Variants in ATP2C2 observed in about 807,000 individuals in gnomAD.
The protein encoded by ATP2C2 is calcium-transporting ATPase type 2C member 2.
A neutral mutation model predicts 110.8 loss-of-function variants in ATP2C2; 171 were observed. That is an observed-to-expected ratio of 1.54 (90% CI 1.36 to 1.75). The LOEUF (loss-of-function observed/expected upper bound fraction) is 1.75, where lower values mean the gene tolerates loss of function less well. ATP2C2 is among the 40% of genes most tolerant of loss of function. ATP2C2 has a pLI of 0.00. For synonymous variants in ATP2C2, 804 were observed against 508.4 expected, an observed-to-expected ratio of 1.58 and a Z score of -7.82; for missense variants, 1,963 against 1,235.0, an observed-to-expected ratio of 1.59 and a Z score of -8.84.
At chr16:84,447,676 T>TATTTA (rs1181372335) in intron 16 of ATP2C2, among the ~76,000 whole-genome samples, 2 of 139,874 alleles carry the variant, frequency 1.4e-5, no homozygotes, top group African/African-American at 5.9e-5. Context: ...TTACATATAT[T>TATTTA]ACATATATTA....
Position 84,463,817 on chromosome 16 carries a change from C to CT in ATP2C2, c.*89dup, listed in dbSNP as rs1023413176. On this transcript the variant is annotated 3_prime_UTR_variant, in exon 27 of 27. Transcript: ENST00000262429. ...TGCCGTGTCTCCTCGTCAGGGGAGA[C>CT]TTTTAGGAGGCCGCAGCCTTCCATC... is the stretch of plus-strand genomic sequence containing the variant. 1.7e-6 allele frequency: 2 copies of CT among 1,210,920 alleles called. No individual in the cohort carries two copies. Among genetic ancestry groups the CT allele is most frequent in the African/African-American group, 3.0e-5 (2 of 66,096 alleles). 75.0% of individuals were successfully genotyped at this position (1,210,920 alleles called of 1,614,324 possible).
intron 16 of ATP2C2, among the ~76,000 whole-genome samples, chr16:84,446,837 C>T (rs1310569629): frequency 6.6e-6 from 1 of 152,200 alleles, no homozygotes; most frequent in Non-Finnish European, 1.5e-5. Flanking sequence ...CTGCTGCTAA[C>T]ACCAGTCGCC....
chr16:84,380,777 G>A (rs1910534874), intron 1 of ATP2C2, among the ~76,000 whole-genome samples: 1 of 152,168 alleles, frequency 6.6e-6, no homozygotes, highest in African/African-American at 2.4e-5. Flanking sequence ...ACATACATCG[G>A]GGGGTCTGTT....
chr16:84,422,354 G>A lies in ATP2C2; in HGVS notation c.625-36G>A, dbSNP rs779645481. ...TTTAACACCAATTCTCGGGGTGACA[G>A]AGAGATTCCACAGCCTTTTCCCCTT... On this transcript the variant is annotated intron_variant, in intron 7 of 26. Coordinates refer to ENST00000262429, the MANE Select transcript of ATP2C2 (RefSeq NM_014861.4). The A allele has an allele frequency of 6.3e-6, 10 of 1,599,668 alleles. No individual in the cohort carries two copies. The African/African-American group carries it at 6.7e-5, about 11-fold the overall frequency.
Position 84,384,406 on chromosome 16 carries a change from C to T in ATP2C2, c.100-14093C>T, listed in dbSNP as rs77867840. Among the ~76,000 whole-genome samples the T allele has an allele frequency of 6.8e-3, 1,039 of 152,300 alleles. 16 individuals are homozygous for T. The highest frequency in any genetic ancestry group is 0.024 in the African/African-American group (1,009 of 41,570). ...CTCGGGATTTGGCTCAGGTTACGCG[C>T]TTCTGGAGAAAGCCCTGTGGCACGA... is the stretch of plus-strand genomic sequence containing the variant. On this transcript the variant is annotated intron_variant, in intron 1 of 26. Coordinates refer to ENST00000262429, the MANE Select transcript of ATP2C2 (RefSeq NM_014861.4).
chr16:84,411,016 A>G, intron 6 of ATP2C2: 1 of 543,446 alleles, frequency 1.8e-6, no homozygotes, highest in Admixed American at 3.1e-5. Flanking sequence ...TGAGGACCAC[A>G]GGTAGCAGGA....
intron 6 of ATP2C2, among the ~76,000 whole-genome samples, chr16:84,413,050 A>C (rs902590249): frequency 2.6e-5 from 4 of 151,032 alleles, no homozygotes; most frequent in African/African-American, 7.3e-5. Flanking sequence ...GTGAGCCAAG[A>C]GTGCTCCATT....
chr16:84,442,593 G>A lies in ATP2C2; in HGVS notation c.1395G>A (p.Ala465=), dbSNP rs763166680. 2.7e-5 allele frequency: 43 copies of A among 1,613,852 alleles called. No homozygotes were observed. In the Middle Eastern group the frequency reaches 4.9e-4, roughly 19 times the overall value. ...CCGAGGGTGCATTGATGGCCCTGGC[G>A]ATGAAGGTAGGAGGTCCTGGGGTGG... is the stretch of plus-strand genomic sequence containing the variant. The part of the protein sequence containing the change: ...QPTEGALMAL[A]MKMDLSDIKN... The change falls in exon 15 of 27, where the codon GCG becomes GCA. Residue 465 remains alanine (A), a synonymous_variant. Transcript: ENST00000262429.
intron 23 of ATP2C2, chr16:84,459,616 C>G: frequency 5.2e-6 from 8 of 1,526,498 alleles, no homozygotes; most frequent in Non-Finnish European, 5.3e-6. Context: ...TTTCTGCTCC[C>G]TCTGCCTGGA....
Position 84,462,023 on chromosome 16 carries a change from C to T in ATP2C2, c.2616C>T (p.Asn872=), listed in dbSNP as rs565110094. 2.5e-6 allele frequency: 4 copies of T among 1,614,016 alleles called. No individual in the cohort carries two copies. The highest frequency in any genetic ancestry group is 3.3e-5 in the Admixed American group (2 of 60,012). ...KLIFEIGFLR[N]HMFLYSVLGS... is the part of the protein sequence containing the mutation. ...TATTTGAGATCGGCTTTCTCAGGAA[C>T]CACATGTTCCTCTACTCCGTCCTGG... Residue 872 remains asparagine, a synonymous_variant, in exon 26 of 27, where the codon AAC becomes AAT. Coordinates refer to ENST00000262429, the MANE Select transcript of ATP2C2 (RefSeq NM_014861.4).
At position 84,462,100 on chromosome 16, in the gene ATP2C2, T is replaced by A. The variant is rs372345286; in HGVS notation, c.2693T>A (p.Val898Asp). The A allele has an allele frequency of 6.2e-6, 10 of 1,613,622 alleles. No homozygotes were observed. In the African/African-American group the frequency reaches 1.3e-4, roughly 22 times the overall value. ...ATTTACATCCCCCCGCTGCAGAGGG[T>A]CTTCCAGACGGAGAACCTGGGAGCG... Reference protein sequence around the residue: ...AVIYIPPLQRVFQTENLGALD... With the variant: ...AVIYIPPLQRDFQTENLGALD... Residue 898 changes from valine to aspartate, a missense_variant, in exon 26 of 27, where the codon GTC becomes GAC. Transcript: ENST00000262429.
intron 17 of ATP2C2, 30 bp from the exon 18 acceptor site, chr16:84,451,891 G>T (rs748734555): frequency 1.9e-6 from 3 of 1,590,260 alleles, no homozygotes; most frequent in Non-Finnish European, 2.6e-6. Context: ...AGCCCCCGGT[G>T]ACCCCTCCTT....
chr16:84,409,723 G>A (rs1332638153), intron 4 of ATP2C2, among the ~76,000 whole-genome samples: 3 of 151,960 alleles, frequency 2.0e-5, no homozygotes, highest in Non-Finnish European at 4.4e-5. Flanking sequence ...GGCTGATGTC[G>A]ACCTCTTGAC....
chr16:84,386,313 G>C lies in ATP2C2; in HGVS notation c.100-12186G>C, dbSNP rs148792103. Among the ~76,000 whole-genome samples, 766 of 152,262 alleles carry C rather than the reference G, an allele frequency of 5.0e-3. 5 individuals are homozygous for C. The highest frequency in any genetic ancestry group is 0.012 in the South Asian group (60 of 4,822). ...TTTAGTTTTATATCTGTCTCTCTCT[G>C]TATCTCCATATATTCCAGTCCAATA... On this transcript the variant is annotated intron_variant, in intron 1 of 26. Coordinates refer to ENST00000262429, the MANE Select transcript of ATP2C2 (RefSeq NM_014861.4).
intron 1 of ATP2C2, among the ~76,000 whole-genome samples, chr16:84,394,404 T>G (rs1567692521): frequency 6.6e-6 from 1 of 152,062 alleles, no homozygotes; most frequent in Non-Finnish European, 1.5e-5. Flanking sequence ...TCCTACGAAT[T>G]TGCCTGTCCC....
chr16:84,425,638 A>C (rs936572814), intron 10 of ATP2C2, 97 bp from the exon 11 acceptor site: 1 of 1,366,514 alleles, frequency 7.3e-7, no homozygotes, highest in African/African-American at 1.4e-5. Flanking sequence ...CTGTGCATGC[A>C]TTCCTGTAAA....
rs1374562517 is a variant in ATP2C2 at position 84,456,457 on chromosome 16, C to T, written c.2147+1473C>T. ...AAGACAGGGATGCCCTCTCTCACCGCTCCTATTCAACATAGTGTTGGAAGT... is the reference window on the plus strand; with the variant it reads ...AAGACAGGGATGCCCTCTCTCACCGTTCCTATTCAACATAGTGTTGGAAGT... On this transcript the variant is annotated intron_variant, in intron 21 of 26. Transcript: ENST00000262429. 1.0e-3 allele frequency among the ~76,000 whole-genome samples: 147 copies of T among 144,176 alleles called. 2 individuals carry two copies. Among genetic ancestry groups the T allele is most frequent in the Non-Finnish European group, 1.9e-3 (123 of 65,552 alleles). The allele number at this position is 144,176 out of a possible 152,430, so 94.6% of individuals were successfully genotyped here.
chr16:84,460,014 T>A, intron 23 of ATP2C2: 1 of 229,680 alleles, frequency 4.4e-6, no homozygotes, highest in Non-Finnish European at 8.7e-6. Flanking sequence ...CGTAACCGTA[T>A]GAGCACAGAG....
chr16:84,408,493 C>T lies in ATP2C2; in HGVS notation c.416C>T (p.Thr139Met), dbSNP rs372072267. The T allele has an allele frequency of 2.0e-5, 32 of 1,612,306 alleles. No individual in the cohort carries two copies. The highest frequency in any genetic ancestry group is 2.6e-5 in the Non-Finnish European group (31 of 1,179,728). Reference protein sequence around the residue: ...KEYEDAVSIATAVLVVVTVAF... With the variant: ...KEYEDAVSIAMAVLVVVTVAF... ...TATGAGGACGCCGTCAGCATCGCCA[C>T]GGTGAGTTCCCTGACAGCGCTCGGC... The change falls in exon 4 of 27, where the codon ACG (threonine) becomes ATG (methionine). Residue 139 changes from threonine to methionine, a missense_variant and splice_region_variant. Thr to Met is a moderately conservative substitution (Grantham distance 81, BLOSUM62 -1). Transcript: ENST00000262429.
Sources: gnomAD v4.1 joint callset for allele counts (sites outside exome capture counted in the v4.1 genomes callset) on GRCh38, gnomAD v4.1.1 for gene constraint, MANE v1.5 for transcripts, NCBI Gene and HGNC (gene_info 2026-07-23, HGNC 2026-07-21) for gene names.